Variants in SCAPER observed in about 807,000 individuals in gnomAD.
SCAPER encodes S-phase cyclin A associated protein in the ER.
Under a neutral mutation model 182.2 loss-of-function variants are expected in SCAPER, and 98 were observed. The ratio of observed to expected loss-of-function variants is 0.54; its 90% CI spans 0.46 to 0.64. The LOEUF (loss-of-function observed/expected upper bound fraction) is 0.64, where lower values mean the gene tolerates loss of function less well. SCAPER is among the 30% of genes least tolerant of loss of function. SCAPER has a pLI of 0.00. For synonymous variants in SCAPER, 605 were observed against 564.6 expected (o/e 1.07, Z -1.01); for missense variants, 1,432 against 1,690.0 (o/e 0.85, Z 2.68).
At chr15:76,790,929 A>G (rs975741566) in intron 8 of SCAPER, among the ~76,000 whole-genome samples, 2 of 152,188 alleles carry the variant, frequency 1.3e-5, no homozygotes, top group South Asian at 4.1e-4. Context: ...AATGTGTACA[A>G]TTGAGGCTAG....
chr15:76,783,956 T>A (rs181149598), intron 8 of SCAPER, among the ~76,000 whole-genome samples: 2 of 152,260 alleles, frequency 1.3e-5, no homozygotes, highest in East Asian at 3.9e-4. Context: ...CTGGAAGCAT[T>A]CCCTTTGAAA....
In SCAPER at chr15:76,420,235, C is replaced by CTTT. The variant is rs71143323; in HGVS notation, c.3311+13840_3311+13842dup. 1.1e-3 allele frequency among the ~76,000 whole-genome samples: 127 copies of CTTT among 116,882 alleles called. 1 individual carries two copies. The highest frequency in any genetic ancestry group is 2.6e-3 in the East Asian group (10 of 3,894). 76.7% of individuals were successfully genotyped at this position (116,882 alleles called of 152,430 possible). On this transcript the variant is annotated intron_variant, in intron 26 of 31. Coordinates refer to ENST00000563290, the MANE Select transcript of SCAPER (RefSeq NM_020843.4). ...TTCACCCCTCTATAGATGTTTTTTC[C>CTTT]TTTTTTTTTTTTTTTTTTTTTATAG... is the stretch of plus-strand genomic sequence containing the variant.
At chr15:76,761,799 C>T (rs185752059) in intron 14 of SCAPER, among the ~76,000 whole-genome samples, 129 of 152,210 alleles carry the variant, frequency 8.5e-4, no homozygotes, top group East Asian at 1.7e-3. Flanking sequence ...TTCTTAGGCA[C>T]ATTTAGCGTA....
Position 76,893,039 on chromosome 15 carries a change from G to A in SCAPER, c.-59-9163C>T, listed in dbSNP as rs552831977. Reference sequence around the variant, plus strand: ...CTTTGCAGGTACATGGATAAAGCTGGAAACCATTATTCTCAGCAAACTATC... The same window carrying A: ...CTTTGCAGGTACATGGATAAAGCTGAAAACCATTATTCTCAGCAAACTATC... On this transcript the variant is annotated intron_variant, in intron 1 of 31. Coordinates refer to ENST00000563290, the MANE Select transcript of SCAPER (RefSeq NM_020843.4). Among the ~76,000 whole-genome samples the A allele has an allele frequency of 2.0e-5, 3 of 152,296 alleles. No individual in the cohort carries two copies. In the South Asian group the frequency reaches 6.2e-4, roughly 32 times the overall value.
At chr15:76,714,670 T>A (rs1567892198) in intron 17 of SCAPER, among the ~76,000 whole-genome samples, 1 of 152,128 alleles carries the variant, frequency 6.6e-6, no homozygotes, top group Non-Finnish European at 1.5e-5. Flanking sequence ...TGACAATTCA[T>A]CAAGATGTAC....
intron 22 of SCAPER, among the ~76,000 whole-genome samples, chr15:76,586,140 C>G (rs2048638736): frequency 6.6e-6 from 1 of 152,168 alleles, no homozygotes; most frequent in Non-Finnish European, 1.5e-5. Flanking sequence ...AAAAGTATCT[C>G]TCCCAGAATT....
At chr15:76,772,446 T>C (rs1855190274) in intron 9 of SCAPER, among the ~76,000 whole-genome samples, 1 of 151,974 alleles carries the variant, frequency 6.6e-6, no homozygotes, top group African/African-American at 2.4e-5. Flanking sequence ...TACACAAAAA[T>C]ATAAAACTTA....
At chr15:76,569,228 A>G (rs1476156551) in intron 23 of SCAPER, among the ~76,000 whole-genome samples, 3 of 152,134 alleles carry the variant, frequency 2.0e-5, no homozygotes, top group Non-Finnish European at 2.9e-5. Context: ...ATTCCATTCT[A>G]TTCCTGGTTT....
chr15:76,764,746 C>T (rs1031976393), intron 14 of SCAPER, among the ~76,000 whole-genome samples: 2 of 152,184 alleles, frequency 1.3e-5, no homozygotes, highest in African/African-American at 2.4e-5. Context: ...TAATAATCCA[C>T]GCAAACCCTG....
In SCAPER at chr15:76,753,957, A is replaced by C; in HGVS notation, c.1726-9T>G. The C allele has an allele frequency of 6.2e-7, 1 of 1,610,916 alleles. No individual in the cohort carries two copies. Among genetic ancestry groups the C allele is most frequent in the East Asian group, 2.2e-5 (1 of 44,782 alleles). ...TTCCGGACATCCTTCTCCTACGTAT[A>C]GTGAATCATCACATCCTTAATTTCA... On this transcript the variant is annotated splice_polypyrimidine_tract_variant and intron_variant, in intron 14 of 31. Coordinates refer to ENST00000563290, the MANE Select transcript of SCAPER (RefSeq NM_020843.4).
rs535623485 is a variant in SCAPER at position 76,463,958 on chromosome 15, A to G, written c.3078+7254T>C. ...GACTGTTTAGATCTTGCCCAACATT[A>G]AAAGCTTATCCATCTATTTTCACAG... On this transcript the variant is annotated intron_variant, in intron 25 of 31. Transcript: ENST00000563290. Among the ~76,000 whole-genome samples the G allele has an allele frequency of 2.0e-5, 3 of 150,990 alleles. No homozygotes were observed. The East Asian group carries it at 5.9e-4, about 29-fold the overall frequency.
intron 23 of SCAPER, 73 bp from the exon 24 acceptor site, chr15:76,505,047 C>A: frequency 1.1e-6 from 1 of 943,796 alleles, no homozygotes; most frequent in Non-Finnish European, 1.6e-6. Context: ...TATCTGTAGT[C>A]TGAAACATAC....
intron 21 of SCAPER, among the ~76,000 whole-genome samples, chr15:76,650,867 G>T (rs995404898): frequency 5.9e-5 from 9 of 151,984 alleles, no homozygotes. Flanking sequence ...AAGACAAAAA[G>T]ATATCTGGAA....
chr15:76,489,389 A>C (rs2052048500), intron 24 of SCAPER, among the ~76,000 whole-genome samples: 1 of 151,658 alleles, frequency 6.6e-6, no homozygotes, highest in African/African-American at 2.4e-5. Flanking sequence ...AAACCACCAC[A>C]ATAAAGATAC....
chr15:76,442,068 G>T (rs936647436), intron 25 of SCAPER, among the ~76,000 whole-genome samples: 2 of 151,958 alleles, frequency 1.3e-5, no homozygotes, highest in Non-Finnish European at 2.9e-5. Flanking sequence ...TGTATATATA[G>T]ATATAGATAT....
At chr15:76,789,999 CG>C (rs539411084) in intron 8 of SCAPER, among the ~76,000 whole-genome samples, 1 of 152,046 alleles carries the variant, frequency 6.6e-6, no homozygotes, top group Non-Finnish European at 1.5e-5. Flanking sequence ...GAGGCTGAGG[CG>C]GGCGGATCAC....
chr15:76,739,073 G>A (rs1410325454), intron 15 of SCAPER, among the ~76,000 whole-genome samples: 1 of 152,088 alleles, frequency 6.6e-6, no homozygotes, highest in Admixed American at 6.5e-5. Context: ...TATCTACATT[G>A]TATTAGGTAT....
intron 14 of SCAPER, among the ~76,000 whole-genome samples, chr15:76,761,731 G>T (rs1034671335): frequency 2.6e-5 from 4 of 152,248 alleles, no homozygotes; most frequent in Middle Eastern, 3.4e-3. Flanking sequence ...AACGTTTCAT[G>T]CGCACTTGAG....
At position 76,556,726 on chromosome 15, in the gene SCAPER, G is replaced by T. The variant is rs571558343; in HGVS notation, c.2838+17432C>A. ...AATAATGAGTTCTGAAATTGAATCAGTAATAAGCCTATAAACCAAAAAAAA... is the reference window on the plus strand; with the variant it reads ...AATAATGAGTTCTGAAATTGAATCATTAATAAGCCTATAAACCAAAAAAAA... On this transcript the variant is annotated intron_variant, in intron 23 of 31. Transcript: ENST00000563290. 2.7e-5 allele frequency among the ~76,000 whole-genome samples: 4 copies of T among 150,646 alleles called. No homozygotes were observed. In the East Asian group the frequency reaches 8.1e-4, roughly 30 times the overall value.
Sources: gnomAD v4.1 joint callset for allele counts (sites outside exome capture counted in the v4.1 genomes callset) on GRCh38, gnomAD v4.1.1 for gene constraint, MANE v1.5 for transcripts, NCBI Gene and HGNC (gene_info 2026-07-23, HGNC 2026-07-21) for gene names.